BLACAT1: variants seen among roughly 807,000 people sequenced by gnomAD.
The protein encoded by BLACAT1 is BLACAT1 overlapping LEMD1 locus, also known as bladder cancer associated transcript 1.
At chr1:205,453,720 A>C (rs1490351183) in intron 1 of BLACAT1, among the ~76,000 whole-genome samples, 1 of 152,098 alleles carries the variant, frequency 6.6e-6, no homozygotes, top group African/African-American at 2.4e-5. Flanking sequence ...TCTGCATCTG[A>C]TCTCCAATAA....
rs1027485122 is a variant in BLACAT1 at position 205,441,902 on chromosome 1, G to A, written c.-36-840C>T. On this transcript the variant is annotated intron_variant, in intron 1 of 1. Coordinates refer to ENST00000629624, the Ensembl canonical transcript of BLACAT1. This position sits in a 1 kb window ranked among gnomAD's most constrained non-coding sequence, Gnocchi z 4.3. ...TGACCCGGCCCTCAGCAGGAGCCAG[G>A]GGCCGCTCTGGTATCTGTTGCAGTC... 4.6e-5 allele frequency among the ~76,000 whole-genome samples: 7 copies of A among 152,192 alleles called. No homozygotes were observed. The highest frequency in any genetic ancestry group is 1.4e-4 in the African/African-American group (6 of 41,458).
At chr1:205,435,139 G>C (rs1666185042), downstream of BLACAT1, 3 of 152,220 alleles carry the variant, frequency 2.0e-5, no homozygotes, top group African/African-American at 7.2e-5. Flanking sequence ...CTACTTTACA[G>C]AATTAATCCA....
At chr1:205,436,848 A>C (rs1267126153), downstream of BLACAT1, 1 of 152,210 alleles carries the variant, frequency 6.6e-6, no homozygotes, top group East Asian at 1.9e-4. Flanking sequence ...TTGTGAACCA[A>C]GTATCTGTCT....
chr1:205,434,936 A>G (rs541755111), downstream of BLACAT1: 52 of 152,362 alleles, frequency 3.4e-4, no homozygotes, highest in African/African-American at 1.2e-3. Context: ...GTTTGCCGGC[A>G]TGCTTTTCAG....
intron 1 of BLACAT1, chr1:205,449,857 G>A (rs1284269229): frequency 6.6e-6 from 1 of 152,596 alleles, no homozygotes; most frequent in African/African-American, 2.4e-5. Context: ...GGGGTCCCAG[G>A]GGCTGCTCAC....
In BLACAT1 at chr1:205,448,725, C is replaced by T. The variant is rs1238206142; in HGVS notation, c.-37+7192G>A. 6.6e-6 allele frequency among the ~76,000 whole-genome samples: 1 copy of T among 152,136 alleles called. No homozygotes were observed. Among genetic ancestry groups the T allele is most frequent in the African/African-American group, 2.4e-5 (1 of 41,434 alleles). On this transcript the variant is annotated intron_variant, in intron 1 of 1. Transcript: ENST00000629624. The surrounding 1 kb of genome is among the most constrained non-coding windows in gnomAD (Gnocchi z 4.7). ...CCCCTGCCCAGGGTCCTTAACTACC[C>T]CTTCCCTAGAGAATAAGGCCGGATC...
At position 205,450,848 on chromosome 1, in the gene BLACAT1, T is replaced by C. The variant is rs1261480134; in HGVS notation, c.-37+5069A>G. Among the ~76,000 whole-genome samples the C allele has an allele frequency of 6.6e-6, 1 of 152,132 alleles. No homozygotes were observed. Among genetic ancestry groups the C allele is most frequent in the African/African-American group, 2.4e-5 (1 of 41,418 alleles). On this transcript the variant is annotated intron_variant, in intron 1 of 1. Transcript: ENST00000629624. The surrounding 1 kb of genome is among the most constrained non-coding windows in gnomAD (Gnocchi z 4.4). Reference sequence around the variant, plus strand: ...GCTGGAGTGAACCTCACTTGAAATATGGAGAAAGAGGAAGCAGGTCAAGCC... The same window carrying C: ...GCTGGAGTGAACCTCACTTGAAATACGGAGAAAGAGGAAGCAGGTCAAGCC...
intron 1 of BLACAT1, among the ~76,000 whole-genome samples, chr1:205,451,319 T>C (rs1445206579): frequency 3.3e-5 from 5 of 152,128 alleles, no homozygotes; most frequent in Non-Finnish European, 5.9e-5. Flanking sequence ...AGTGGCCTCC[T>C]CTCCACTTCA....
chr1:205,445,635 T>A lies in BLACAT1; in HGVS notation c.-36-4573A>T, dbSNP rs528077383. Among the ~76,000 whole-genome samples the A allele has an allele frequency of 1.2e-4, 18 of 152,320 alleles. No homozygotes were observed. In the South Asian group the frequency reaches 3.7e-3, roughly 32 times the overall value. ...AGGGCAGCCAAGCATTCTCAGTGGT[T>A]CTGAGATTCTTGGGAGCTGGAGAGG... On this transcript the variant is annotated intron_variant, in intron 1 of 1. Transcript: ENST00000629624.
downstream of BLACAT1, among the ~76,000 whole-genome samples, chr1:205,439,911 C>T (rs1161678643): frequency 1.3e-5 from 2 of 151,706 alleles, no homozygotes; most frequent in African/African-American, 4.8e-5. Flanking sequence ...CTTCCTACCT[C>T]CTGGAAATGG....
chr1:205,453,766 G>C (rs915148415), intron 1 of BLACAT1, among the ~76,000 whole-genome samples: 1 of 152,160 alleles, frequency 6.6e-6, no homozygotes, highest in Non-Finnish European at 1.5e-5. Flanking sequence ...AGGACACAGG[G>C]AGGTTCTTGT....
chr1:205,447,741 A>G (rs1666425155), intron 1 of BLACAT1, among the ~76,000 whole-genome samples: 1 of 123,238 alleles, frequency 8.1e-6, no homozygotes, highest in African/African-American at 2.8e-5. Context: ...CCTGGAGTCC[A>G]GCCTGTCGCC....
At chr1:205,440,783 G>A (rs1666280459) in exon 2 of BLACAT1, 1 of 152,532 alleles carries the variant, frequency 6.6e-6, no homozygotes, top group African/African-American at 2.4e-5. Flanking sequence ...GATGCCCTCG[G>A]GTGAGAGTCA....
Position 205,450,953 on chromosome 1 carries a change from C to A in BLACAT1, c.-37+4964G>T, listed in dbSNP as rs988699732. Among the ~76,000 whole-genome samples, 4 of 152,182 alleles carry A rather than the reference C, an allele frequency of 2.6e-5. No individual in the cohort carries two copies. Among genetic ancestry groups the A allele is most frequent in the Non-Finnish European group, 5.9e-5 (4 of 68,038 alleles). On this transcript the variant is annotated intron_variant, in intron 1 of 1. Transcript: ENST00000629624. This position sits in a 1 kb window ranked among gnomAD's most constrained non-coding sequence, Gnocchi z 4.4. ...GTGAAAGGCCACTGCTGGGCGAGAA[C>A]CTCGAGGACTCCCTCTCCTCAAGAT...
intron 1 of BLACAT1, among the ~76,000 whole-genome samples, chr1:205,454,527 AGTGTGT>A (rs746207549): frequency 1.3e-5 from 2 of 149,170 alleles, no homozygotes; most frequent in African/African-American, 5.0e-5. Flanking sequence ...ATCTGGTGTG[AGTGTGT>A]GTGTGTGTGT....
chr1:205,438,439 C>T (rs766539487), downstream of BLACAT1, among the ~76,000 whole-genome samples: 6 of 152,342 alleles, frequency 3.9e-5, no homozygotes, highest in South Asian at 2.1e-4. Flanking sequence ...AGGCCCAGGG[C>T]GCAGGGTCTG....
At chr1:205,452,657 G>A (rs1043446024) in intron 1 of BLACAT1, among the ~76,000 whole-genome samples, 4 of 152,174 alleles carry the variant, frequency 2.6e-5, no homozygotes, top group African/African-American at 4.8e-5. Context: ...ATGAGTCTAC[G>A]TTGGAGCTTA....
chr1:205,440,419 GC>G (rs1207984038), exon 2 of BLACAT1, among the ~76,000 whole-genome samples: 1 of 152,186 alleles, frequency 6.6e-6, no homozygotes, highest in Non-Finnish European at 1.5e-5. Flanking sequence ...AAGGATTCTT[GC>G]CCCAGGTCCT....
At chr1:205,451,665 TGAA>T (rs1385101596) in intron 1 of BLACAT1, among the ~76,000 whole-genome samples, 2 of 151,598 alleles carry the variant, frequency 1.3e-5, no homozygotes, top group East Asian at 1.9e-4. Flanking sequence ...AGAGAAATTG[TGAA>T]GAAGAGGACA....
Sources: gnomAD v4.1 joint callset for allele counts (sites outside exome capture counted in the v4.1 genomes callset) on GRCh38, gnomAD v4.1.1 for gene constraint, Gnocchi (gnomAD v3.1) non-coding constraint, MANE v1.5 for transcripts, NCBI Gene and HGNC (gene_info 2026-07-23, HGNC 2026-07-21) for gene names.